The following CNTN5 variants were observed in gnomAD, a reference collection of about 807,000 sequenced individuals.
CNTN5 encodes contactin 5.
A neutral mutation model predicts 129.1 loss-of-function variants in CNTN5; 77 were observed. That is an observed-to-expected ratio of 0.60 (90% confidence interval 0.50 to 0.72). The LOEUF is 0.72. Among genes scored for constraint, CNTN5 ranks in the 30% least tolerant of loss-of-function variants. The pLI, the probability that CNTN5 is intolerant of heterozygous loss-of-function variation, is 0.00. For synonymous variants in CNTN5, 509 were observed against 465.6 expected (o/e 1.09, Z -1.20); for missense variants, 1,478 against 1,328.8 (o/e 1.11, Z -1.75).
chr11:100,303,708 G>A (rs1951283628), intron 20 of CNTN5, among the ~76,000 whole-genome samples: 1 of 151,600 alleles, frequency 6.6e-6, no homozygotes, highest in Non-Finnish European at 1.5e-5. Flanking sequence ...CATTGCAAGT[G>A]GAGCTACCAC....
chr11:99,820,665 A>G (rs1339737127), intron 4 of CNTN5, among the ~76,000 whole-genome samples: 1 of 120,166 alleles, frequency 8.3e-6, no homozygotes, highest in Non-Finnish European at 1.9e-5. Flanking sequence ...CTCAACACAT[A>G]TGTGAAGTAG....
intron 2 of CNTN5, among the ~76,000 whole-genome samples, chr11:99,332,540 T>A (rs932859279): frequency 9.2e-5 from 14 of 152,252 alleles, no homozygotes; most frequent in African/African-American, 2.6e-4. Flanking sequence ...CAGTTTTTTT[T>A]ATCATATACA....
intron 13 of CNTN5, among the ~76,000 whole-genome samples, chr11:100,101,720 G>A (rs1345368137): frequency 2.4e-4 from 37 of 151,824 alleles, no homozygotes; most frequent in Admixed American, 2.4e-3. Context: ...GTCTTTTATT[G>A]CTCACCCCAC....
intron 3 of CNTN5, among the ~76,000 whole-genome samples, chr11:99,729,913 A>G (rs549308626): frequency 6.6e-6 from 1 of 152,270 alleles, no homozygotes; most frequent in African/African-American, 2.4e-5. Flanking sequence ...GTGGTGGTAC[A>G]GAGAGGGAGA....
intron 3 of CNTN5, among the ~76,000 whole-genome samples, chr11:99,631,914 CT>C (rs756495873): frequency 2.0e-5 from 3 of 152,116 alleles, no homozygotes; most frequent in Non-Finnish European, 4.4e-5. Flanking sequence ...ATTCGTGTAA[CT>C]TTTATTACAG....
chr11:99,086,425 G>A (rs140236233), intron 1 of CNTN5, among the ~76,000 whole-genome samples: 7 of 152,294 alleles, frequency 4.6e-5, no homozygotes, highest in African/African-American at 1.7e-4. Context: ...TCCACCTCTG[G>A]TGAGGTCTCA....
At chr11:99,519,123 T>G (rs1181634086) in intron 2 of CNTN5, among the ~76,000 whole-genome samples, 2 of 152,042 alleles carry the variant, frequency 1.3e-5, no homozygotes, top group Non-Finnish European at 2.9e-5. Context: ...CTAATCAAAC[T>G]CGTCTTTTTT....
intron 1 of CNTN5, among the ~76,000 whole-genome samples, chr11:99,277,151 G>A (rs934778910): frequency 5.9e-5 from 9 of 151,596 alleles, no homozygotes; most frequent in East Asian, 1.9e-4. Context: ...GGTGCTGAGG[G>A]AGTTGATTTG....
At chr11:99,146,434 C>T (rs1193674993) in intron 1 of CNTN5, among the ~76,000 whole-genome samples, 1 of 151,976 alleles carries the variant, frequency 6.6e-6, no homozygotes, top group Non-Finnish European at 1.5e-5. Flanking sequence ...GTTTGATCTC[C>T]AAATTTTAAC....
intron 4 of CNTN5, among the ~76,000 whole-genome samples, chr11:99,820,178 G>A (rs1946751448): frequency 6.6e-6 from 1 of 152,124 alleles, no homozygotes; most frequent in African/African-American, 2.4e-5. Context: ...ATCTTTAAAG[G>A]ATTTGTATGC....
chr11:99,815,406 TGGGCAGCTAAGA>T (rs1451294899), intron 3 of CNTN5, among the ~76,000 whole-genome samples: 1 of 152,098 alleles, frequency 6.6e-6, no homozygotes, highest in Non-Finnish European at 1.5e-5. Context: ...AGAAAAGGGC[TGGGCAGCTAAGA>T]GGGCACCAAG....
At chr11:99,640,508 C>T (rs1951732122) in intron 3 of CNTN5, among the ~76,000 whole-genome samples, 1 of 152,176 alleles carries the variant, frequency 6.6e-6, no homozygotes, top group Non-Finnish European at 1.5e-5. Context: ...TTACCTCCTG[C>T]TGGGTCCCTT....
chr11:99,104,582 A>C (rs1866904876), intron 1 of CNTN5, among the ~76,000 whole-genome samples: 1 of 151,958 alleles, frequency 6.6e-6, no homozygotes, highest in Admixed American at 6.6e-5. Flanking sequence ...TGGATGTGTT[A>C]ATTCACCTGA....
intron 6 of CNTN5, among the ~76,000 whole-genome samples, chr11:99,847,305 A>G (rs1481137624): frequency 6.6e-6 from 1 of 152,232 alleles, no homozygotes; most frequent in Non-Finnish European, 1.5e-5. Flanking sequence ...AAATACACTC[A>G]TCTGAAGTGA....
At chr11:99,470,779 T>A (rs759970991) in intron 2 of CNTN5, among the ~76,000 whole-genome samples, 1 of 150,166 alleles carries the variant, frequency 6.7e-6, no homozygotes, top group South Asian at 2.1e-4. Context: ...AATTTTTAAT[T>A]TACAATTAAA....
At chr11:99,320,967 C>G (rs1865544315) in intron 1 of CNTN5, among the ~76,000 whole-genome samples, 1 of 152,172 alleles carries the variant, frequency 6.6e-6, no homozygotes, top group African/African-American at 2.4e-5. Context: ...AAGGGTGACC[C>G]ACCTGTGAGT....
chr11:100,355,103 T>A (rs2139048701), intron 24 of CNTN5, among the ~76,000 whole-genome samples: 1 of 151,894 alleles, frequency 6.6e-6, no homozygotes, highest in Admixed American at 6.6e-5. Context: ...ACTTTAAATT[T>A]TATCTCTTTT....
intron 1 of CNTN5, among the ~76,000 whole-genome samples, chr11:99,274,230 T>G (rs1249855870): frequency 6.6e-6 from 1 of 151,814 alleles, no homozygotes; most frequent in African/African-American, 2.4e-5. Flanking sequence ...TGCTTTGTGC[T>G]ATTACTTTCT....
In CNTN5 at chr11:99,885,041, G is replaced by T. The variant is rs1216094403; in HGVS notation, c.578-31013G>T. 3.3e-5 allele frequency among the ~76,000 whole-genome samples: 5 copies of T among 152,054 alleles called. No homozygotes were observed. The East Asian group carries it at 5.8e-4, about 18-fold the overall frequency. On this transcript the variant is annotated intron_variant, in intron 6 of 24. Coordinates refer to ENST00000524871, the MANE Select transcript of CNTN5 (RefSeq NM_014361.4). ...CTCACACCTGTAATGACAGCACTCT[G>T]GGGGGGTGAGGAGAGTGTATCACCT...
Sources: gnomAD v4.1 joint callset for allele counts (sites outside exome capture counted in the v4.1 genomes callset) on GRCh38, gnomAD v4.1.1 for gene constraint, MANE v1.5 for transcripts, NCBI Gene and HGNC (gene_info 2026-07-23, HGNC 2026-07-21) for gene names.